The following FUCA1 variants were observed in gnomAD, a reference collection of about 807,000 sequenced individuals.
FUCA1 encodes the protein tissue alpha-L-fucosidase.
Under a neutral mutation model 56.8 loss-of-function variants are expected in FUCA1, and 52 were observed. The ratio of observed to expected loss-of-function variants is 0.92; its 90% CI spans 0.73 to 1.15. The LOEUF (loss-of-function observed/expected upper bound fraction) is 1.15, where lower values mean the gene tolerates loss of function less well. Among genes scored for constraint, FUCA1 ranks in the 50% most tolerant of loss-of-function variants. The probability of loss-of-function intolerance (pLI) is 0.00; values close to 1 mark genes in which losing one functional copy is unlikely to be tolerated. For synonymous variants in FUCA1, 230 were observed against 226.6 expected (o/e 1.02, Z -0.14); for missense variants, 568 against 592.6 (o/e 0.96, Z 0.43).
At chr1:23,854,750 G>T (rs1181900470) in intron 4 of FUCA1, among the ~76,000 whole-genome samples, 190 bp from the exon 5 acceptor site, 1 of 152,174 alleles carries the variant, frequency 6.6e-6, no homozygotes, top group East Asian at 1.9e-4. Flanking sequence ...CACAACGGGG[G>T]TGGTATGCCA....
chr1:23,853,363 G>A (rs1254004021), intron 5 of FUCA1, among the ~76,000 whole-genome samples: 36 of 147,626 alleles, frequency 2.4e-4, no homozygotes, highest in South Asian at 1.3e-3. Context: ...GCCCCCGCCC[G>A]GCCAGCCGCC....
rs997047045 is a variant in FUCA1, at chr1:23,863,245, G to C, written c.551C>G (p.Ser184Ter). 1.9e-6 allele frequency: 3 copies of C among 1,613,444 alleles called. No individual in the cohort carries two copies. In the Admixed American group the frequency reaches 5.0e-5, roughly 27 times the overall value. Residue 184 changes from serine (S) to a stop codon, truncating the protein, a stop_gained, in exon 3 of 8, where the codon TCA (serine) becomes TGA (stop). Transcript: ENST00000374479. LOFTEE classifies it high-confidence loss of function. Reference sequence around the variant, plus strand: ...GAGTGGATGGAACCACTCTAAGAGTGAGTGGTATAGTCCATAGCGGATGTT... The same window carrying C: ...GAGTGGATGGAACCACTCTAAGAGTCAGTGGTATAGTCCATAGCGGATGTT... ...KRNIRYGLYH[S>*]LLEWFHPLYL...
At chr1:23,849,029 G>A (rs1478515210) in intron 5 of FUCA1, among the ~76,000 whole-genome samples, 190 bp from the exon 6 acceptor site, 4 of 151,624 alleles carry the variant, frequency 2.6e-5, no homozygotes, top group Non-Finnish European at 5.9e-5. Context: ...GTGCAATGGC[G>A]TGATCTTGGC....
intron 2 of FUCA1, among the ~76,000 whole-genome samples, chr1:23,864,368 G>A (rs949442363): frequency 6.6e-6 from 1 of 152,116 alleles, no homozygotes; most frequent in Admixed American, 6.5e-5. Context: ...GATTACAGGC[G>A]TAAGTCACCA....
At chr1:23,850,530 C>T (rs1639234288) in intron 5 of FUCA1, among the ~76,000 whole-genome samples, 1 of 151,594 alleles carries the variant, frequency 6.6e-6, no homozygotes, top group South Asian at 2.1e-4. Context: ...GTCACCCAGG[C>T]TGGAGTGCAG....
Position 23,865,484 on chromosome 1 carries a change from C to T in FUCA1, c.524+7G>A. On this transcript the variant is annotated splice_region_variant and intron_variant, in intron 2 of 7. Coordinates refer to ENST00000374479, the MANE Select transcript of FUCA1 (RefSeq NM_000147.5). ...AGATAACAGAGTAACCATCCCTGGACACTCACCTCTTCCGGAGAGCTGTTC... is the reference window on the plus strand; with the variant it reads ...AGATAACAGAGTAACCATCCCTGGATACTCACCTCTTCCGGAGAGCTGTTC... 6.2e-7 allele frequency: 1 copy of T among 1,614,178 alleles called. No individual in the cohort carries two copies. Among genetic ancestry groups the T allele is most frequent in the Non-Finnish European group, 8.5e-7 (1 of 1,180,004 alleles).
intron 1 of FUCA1, 134 bp from the exon 2 acceptor site, chr1:23,865,759 T>C (rs1003048225): frequency 1.0e-6 from 1 of 992,962 alleles, no homozygotes; most frequent in Non-Finnish European, 1.6e-6. Flanking sequence ...GTGACTATAT[T>C]AGTGATATCC....
chr1:23,865,617 A>C lies in FUCA1; in HGVS notation c.398T>G (p.Val133Gly). Residue 133 changes from valine (V) to glycine (G), a missense_variant, in exon 2 of 8, where the codon GTT (valine) becomes GGT (glycine). Transcript: ENST00000374479. ...LFQAAGAKYVVLTTKHHEGFT... is the reference protein window; with the variant it reads ...LFQAAGAKYVGLTTKHHEGFT... ...GCCTTCGTGATGCTTTGTCGTCAAA[A>C]CTACATACCTGTGGACAGCAAAACC... The C allele has an allele frequency of 6.2e-7, 1 of 1,614,218 alleles. No individual in the cohort carries two copies. Among genetic ancestry groups the C allele is most frequent in the South Asian group, 1.1e-5 (1 of 91,086 alleles).
At position 23,867,837 on chromosome 1, in the gene FUCA1, C is replaced by T. The variant is rs1029440935; in HGVS notation, c.389+61G>A. 26 of 1,501,930 alleles carry T rather than the reference C, an allele frequency of 1.7e-5. No homozygotes were observed. The African/African-American group carries it at 3.4e-4, about 19-fold the overall frequency. 93.0% of individuals were successfully genotyped at this position (1,501,930 alleles called of 1,614,324 possible). A position where few individuals can be genotyped will look rare whatever the true frequency, so the allele number is the denominator to read the frequency against. On this transcript the variant is annotated intron_variant, in intron 1 of 7. Transcript: ENST00000374479. The surrounding 1 kb of genome is among the most constrained non-coding windows in gnomAD (Gnocchi z 4.9). The stretch of plus-strand genomic sequence containing the variant: ...CTGCGCGCCCCAGCTGGCCGCCCAG[C>T]CCCACCTCCTGTTTGCCGCCCGAGC...
intron 6 of FUCA1, among the ~76,000 whole-genome samples, chr1:23,847,073 T>C (rs539616153): frequency 1.6e-4 from 24 of 152,226 alleles, no homozygotes; most frequent in Admixed American, 3.9e-4. Context: ...TCTGTCACTG[T>C]TACTAGGGAG....
intron 4 of FUCA1, among the ~76,000 whole-genome samples, chr1:23,855,563 T>C (rs896337058): frequency 4.6e-5 from 7 of 152,194 alleles, no homozygotes; most frequent in African/African-American, 1.7e-4. Flanking sequence ...AGAGATTTAT[T>C]AAAAGTTTAA....
In FUCA1 at chr1:23,867,808, G is replaced by A. The variant is rs1639655500; in HGVS notation, c.389+90C>T. The A allele has an allele frequency of 6.9e-7, 1 of 1,447,846 alleles. No homozygotes were observed. The highest frequency in any genetic ancestry group is 9.0e-7 in the Non-Finnish European group (1 of 1,109,392). 89.7% of individuals were successfully genotyped at this position (1,447,846 alleles called of 1,614,324 possible). A position where few individuals can be genotyped will look rare whatever the true frequency, so the allele number is the denominator to read the frequency against. On this transcript the variant is annotated intron_variant, in intron 1 of 7. Transcript: ENST00000374479. This position sits in a 1 kb window ranked among gnomAD's most constrained non-coding sequence, Gnocchi z 4.9. ...GGCCCCGGGGTCATGGGGGCGACCGGCAGCTGCGCGCCCCAGCTGGCCGCC... is the reference window on the plus strand; with the variant it reads ...GGCCCCGGGGTCATGGGGGCGACCGACAGCTGCGCGCCCCAGCTGGCCGCC...
At chr1:23,861,362 A>T (rs1639510370) in intron 3 of FUCA1, among the ~76,000 whole-genome samples, 1 of 150,210 alleles carries the variant, frequency 6.7e-6, no homozygotes, top group South Asian at 2.1e-4. Flanking sequence ...GGTGCAGCAC[A>T]CCAGCATGGC....
intron 5 of FUCA1, among the ~76,000 whole-genome samples, chr1:23,851,425 CAT>C (rs1639256789): frequency 6.6e-6 from 1 of 151,216 alleles, no homozygotes; most frequent in Non-Finnish European, 1.5e-5. Flanking sequence ...TACATACATA[CAT>C]ACAAATAATC....
chr1:23,861,321 T>G (rs1570686252), intron 3 of FUCA1, among the ~76,000 whole-genome samples: 1 of 40,802 alleles, frequency 2.5e-5, no homozygotes, highest in Non-Finnish European at 3.9e-5. Flanking sequence ...AGACTCCGTC[T>G]CAAAAAAAAA....
intron 4 of FUCA1, 124 bp from the exon 5 acceptor site, chr1:23,854,684 G>A (rs1173186898): frequency 8.6e-6 from 7 of 816,390 alleles, no homozygotes; most frequent in Non-Finnish European, 8.3e-6. Context: ...TGTCAACTGG[G>A]GGCAATTTTG....
At chr1:23,852,102 A>ATAATAAT (rs10529609) in intron 5 of FUCA1, among the ~76,000 whole-genome samples, 1 of 150,180 alleles carries the variant, frequency 6.7e-6, no homozygotes. Context: ...AATAATAATA[A>ATAATAAT]AAAGTGGTTT....
chr1:23,846,567 A>C (rs1411332422), intron 6 of FUCA1, among the ~76,000 whole-genome samples: 1 of 148,176 alleles, frequency 6.7e-6, no homozygotes, highest in Non-Finnish European at 1.5e-5. Flanking sequence ...CATTGCACTC[A>C]GCTCCTTATT....
chr1:23,849,800 C>T (rs1287211676), intron 5 of FUCA1, among the ~76,000 whole-genome samples: 3 of 151,034 alleles, frequency 2.0e-5, no homozygotes, highest in Non-Finnish European at 2.9e-5. Flanking sequence ...CCAGGCTGGT[C>T]TTGAACTCCT....
Sources: gnomAD v4.1 joint callset for allele counts (sites outside exome capture counted in the v4.1 genomes callset) on GRCh38, gnomAD v4.1.1 for gene constraint, Gnocchi (gnomAD v3.1) non-coding constraint, MANE v1.5 for transcripts, NCBI Gene and HGNC (gene_info 2026-07-23, HGNC 2026-07-21) for gene names.